TAOK3: variants seen among roughly 807,000 people sequenced by gnomAD.
The protein encoded by TAOK3 is serine/threonine-protein kinase TAO3.
Under a neutral mutation model 120.4 loss-of-function variants are expected in TAOK3, and 40 were observed. The ratio of observed to expected loss-of-function variants is 0.33; its 90% CI spans 0.26 to 0.43. The LOEUF (loss-of-function observed/expected upper bound fraction) is 0.43. Among genes scored for constraint, TAOK3 ranks in the 20% least tolerant of loss-of-function variants. The pLI, the probability that TAOK3 is intolerant of heterozygous loss-of-function variation, is 1.00. For synonymous variants in TAOK3, 355 were observed against 387.5 expected (o/e 0.92, Z 0.99); for missense variants, 821 against 1,112.1 (o/e 0.74, Z 3.72).
intron 1 of TAOK3, among the ~76,000 whole-genome samples, chr12:118,341,200 C>T (rs1040857025): frequency 6.6e-6 from 1 of 151,944 alleles, no homozygotes; most frequent in African/African-American, 2.4e-5. Context: ...AGGGTTTCGC[C>T]ATGTTGGCTA....
intron 9 of TAOK3, among the ~76,000 whole-genome samples, chr12:118,226,966 T>C (rs1317760886): frequency 6.6e-6 from 1 of 152,156 alleles, no homozygotes; most frequent in African/African-American, 2.4e-5. Context: ...GATGTGATGA[T>C]GATCTTGAAT....
intron 1 of TAOK3, among the ~76,000 whole-genome samples, chr12:118,276,083 C>T (rs2041892114): frequency 6.6e-6 from 1 of 152,128 alleles, no homozygotes; most frequent in African/African-American, 2.4e-5. Context: ...TGGGAAGCCA[C>T]CGAAGCATTT....
At chr12:118,366,456 A>G (rs1034733356) in intron 1 of TAOK3, among the ~76,000 whole-genome samples, 23 of 152,206 alleles carry the variant, frequency 1.5e-4, no homozygotes, top group African/African-American at 5.3e-4. Context: ...TGCCATGGAC[A>G]TAAGCCAATA....
At chr12:118,168,871 T>C (rs961377082) in intron 17 of TAOK3, among the ~76,000 whole-genome samples, 6 of 152,230 alleles carry the variant, frequency 3.9e-5, no homozygotes, top group Non-Finnish European at 2.9e-5. Context: ...AAATGACTTA[T>C]TTCCAACTGG....
At position 118,181,340 on chromosome 12, in the gene TAOK3, G is replaced by A. The variant is rs759947857; in HGVS notation, c.1566+31C>T. 8 of 1,556,740 alleles carry A rather than the reference G, an allele frequency of 5.1e-6. No homozygotes were observed. The Admixed American group carries it at 1.0e-4, about 20-fold the overall frequency. Reference sequence around the variant, plus strand: ...TGACCCCAACAGGCTGGGCTTGGTTGTGGCATGAAGGCGTGTGTGCACATA... The same window carrying A: ...TGACCCCAACAGGCTGGGCTTGGTTATGGCATGAAGGCGTGTGTGCACATA... On this transcript the variant is annotated intron_variant, in intron 15 of 20. Transcript: ENST00000392533.
At chr12:118,345,778 A>G (rs1041933924) in intron 1 of TAOK3, among the ~76,000 whole-genome samples, 1 of 152,138 alleles carries the variant, frequency 6.6e-6, no homozygotes, top group Admixed American at 6.6e-5. Flanking sequence ...GAAAGAAACC[A>G]AGAGTTGTAT....
Position 118,238,158 on chromosome 12 carries a change from G to C in TAOK3, c.352C>G (p.Pro118Ala). 2 of 1,607,462 alleles carry C rather than the reference G, an allele frequency of 1.2e-6. No homozygotes were observed. Among genetic ancestry groups the C allele is most frequent in the Non-Finnish European group, 1.7e-6 (2 of 1,176,102 alleles). ...GCAGCGATCTCCACTTCCTGAAGTG[G>C]TTTTTTATGAACTGAGGAAGGAAAA... ...ASDLLEVHKK[P>A]LQEVEIAAIT... is the part of the protein sequence containing the mutation. The change falls in exon 7 of 21, where the codon CCA (proline) becomes GCA (alanine). Residue 118 changes from proline to alanine, a missense_variant. Transcript: ENST00000392533.
chr12:118,355,381 G>A (rs971166963), intron 1 of TAOK3, among the ~76,000 whole-genome samples: 10 of 152,030 alleles, frequency 6.6e-5, no homozygotes, highest in East Asian at 1.9e-4. Context: ...GTTGTTTCCC[G>A]GGCTGTTCCA....
intron 1 of TAOK3, among the ~76,000 whole-genome samples, chr12:118,316,609 T>C (rs535483209): frequency 6.6e-6 from 1 of 151,684 alleles, no homozygotes; most frequent in Non-Finnish European, 1.5e-5. Flanking sequence ...AAAGACAAGC[T>C]CTTACAATTT....
intron 14 of TAOK3, among the ~76,000 whole-genome samples, chr12:118,182,189 A>C (rs748117565): frequency 4.0e-5 from 6 of 151,730 alleles, no homozygotes; most frequent in Non-Finnish European, 4.4e-5. Context: ...TCAAAAAAAA[A>C]CAACAACAAC....
At chr12:118,255,166 G>T (rs1398618193) in intron 3 of TAOK3, among the ~76,000 whole-genome samples, 3 of 152,190 alleles carry the variant, frequency 2.0e-5, no homozygotes, top group Non-Finnish European at 4.4e-5. Flanking sequence ...TTTCAGCAAT[G>T]ACTATTTGCC....
chr12:118,270,000 G>A (rs527512353), intron 1 of TAOK3, among the ~76,000 whole-genome samples: 91 of 152,186 alleles, frequency 6.0e-4, no homozygotes, highest in African/African-American at 2.2e-3. Context: ...TCTTCTCTCT[G>A]ATGCCTAAAT....
chr12:118,157,883 T>G (rs2034950533), intron 19 of TAOK3, among the ~76,000 whole-genome samples: 1 of 152,144 alleles, frequency 6.6e-6, no homozygotes, highest in South Asian at 2.1e-4. Flanking sequence ...TTTCTTCAAC[T>G]CTCTCTCCTT....
chr12:118,338,653 G>C (rs532704949), intron 1 of TAOK3, among the ~76,000 whole-genome samples: 1 of 151,840 alleles, frequency 6.6e-6, no homozygotes, highest in Admixed American at 6.6e-5. Flanking sequence ...AGGCGTGGTG[G>C]CCACGCGCCT....
intron 19 of TAOK3, among the ~76,000 whole-genome samples, chr12:118,152,934 A>C (rs2034555494): frequency 6.6e-6 from 1 of 152,226 alleles, no homozygotes; most frequent in African/African-American, 2.4e-5. Context: ...TCATGTCCTT[A>C]TTTCAAGTTC....
chr12:118,197,081 C>G (rs2037766334), intron 13 of TAOK3, among the ~76,000 whole-genome samples: 1 of 152,084 alleles, frequency 6.6e-6, no homozygotes, highest in Non-Finnish European at 1.5e-5. Flanking sequence ...TTAAAGATAA[C>G]ATATTTTAAA....
intron 1 of TAOK3, among the ~76,000 whole-genome samples, chr12:118,314,167 A>G (rs997191726): frequency 6.6e-5 from 10 of 152,178 alleles, no homozygotes; most frequent in Non-Finnish European, 1.5e-4. Context: ...GAAGCCTCCA[A>G]CTTGCAAAAG....
intron 1 of TAOK3, among the ~76,000 whole-genome samples, chr12:118,293,638 C>T (rs2042566026): frequency 6.7e-6 from 1 of 150,072 alleles, no homozygotes. Context: ...CACACCATTG[C>T]ACTCCAGCCT....
intron 1 of TAOK3, among the ~76,000 whole-genome samples, chr12:118,285,137 A>T (rs1332452252): frequency 2.0e-5 from 3 of 151,904 alleles, no homozygotes. Context: ...ATATATATCT[A>T]TATATATAGA....
Sources: gnomAD v4.1 joint callset for allele counts (sites outside exome capture counted in the v4.1 genomes callset) on GRCh38, gnomAD v4.1.1 for gene constraint, MANE v1.5 for transcripts, NCBI Gene and HGNC (gene_info 2026-07-23, HGNC 2026-07-21) for gene names.